Variants in SLC13A3 observed in about 807,000 individuals in gnomAD.
SLC13A3 encodes the protein solute carrier family 13 member 3.
Under a neutral mutation model 59.0 loss-of-function variants are expected in SLC13A3, and 40 were observed. The observed-to-expected ratio is 0.68, with a 90% CI of 0.53 to 0.88. SLC13A3 has a LOEUF of 0.88. Among genes scored for constraint, SLC13A3 ranks in the 40% least tolerant of loss-of-function variants. The pLI, the probability that SLC13A3 is intolerant of heterozygous loss-of-function variation, is 0.00. For synonymous variants in SLC13A3, 317 were observed against 330.3 expected, an observed-to-expected ratio of 0.96 and a Z score of 0.44; for missense variants, 699 against 783.2, an observed-to-expected ratio of 0.89 and a Z score of 1.28.
intron 9 of SLC13A3, among the ~76,000 whole-genome samples, chr20:46,581,815 G>T (rs887189152): frequency 2.0e-5 from 3 of 152,142 alleles, no homozygotes; most frequent in African/African-American, 7.2e-5. Context: ...GCAGAAACCA[G>T]GAAAAGGTTA....
intron 1 of SLC13A3, among the ~76,000 whole-genome samples, chr20:46,633,836 A>C (rs1284144086): frequency 6.6e-6 from 1 of 152,258 alleles, no homozygotes; most frequent in Admixed American, 6.5e-5. Flanking sequence ...TTGAGGGCTT[A>C]CTATGCTTAG....
intron 1 of SLC13A3, among the ~76,000 whole-genome samples, chr20:46,621,871 A>C (rs939533142): frequency 6.6e-6 from 1 of 152,250 alleles, no homozygotes; most frequent in South Asian, 2.1e-4. Context: ...CATGTAGTAC[A>C]TATATTTATT....
intron 8 of SLC13A3, chr20:46,585,491 C>T (rs1441004000): frequency 1.0e-6 from 1 of 1,003,588 alleles, no homozygotes; most frequent in Admixed American, 6.0e-5. Context: ...TAATAGGGTT[C>T]TAAAAGCCAA....
chr20:46,608,069 G>C (rs1212178293), intron 3 of SLC13A3, among the ~76,000 whole-genome samples: 1 of 152,114 alleles, frequency 6.6e-6, no homozygotes, highest in Non-Finnish European at 1.5e-5. Context: ...CCACCCCAGG[G>C]TGACCATCAG....
chr20:46,644,437 A>AT (rs1273198469), intron 1 of SLC13A3, among the ~76,000 whole-genome samples: 34 of 151,348 alleles, frequency 2.2e-4, no homozygotes, highest in Middle Eastern at 3.4e-3. Context: ...AGCATCTCCC[A>AT]TTTTTTTTTC....
At chr20:46,652,310 A>C (rs1350853411), upstream of SLC13A3, among the ~76,000 whole-genome samples, 1 of 152,250 alleles carries the variant, frequency 6.6e-6, no homozygotes. Context: ...TAACACATGT[A>C]ATGTGATTAG....
At chr20:46,625,000 C>T (rs1352638065) in intron 1 of SLC13A3, among the ~76,000 whole-genome samples, 1 of 152,160 alleles carries the variant, frequency 6.6e-6, no homozygotes, top group Non-Finnish European at 1.5e-5. Flanking sequence ...AGTCTCCCGA[C>T]TCTGTAATGC....
At chr20:46,654,427 T>C (rs554316369), upstream of SLC13A3, among the ~76,000 whole-genome samples, 2 of 152,372 alleles carry the variant, frequency 1.3e-5, no homozygotes, top group South Asian at 4.1e-4. Flanking sequence ...CCTTACTTCA[T>C]GCCCCTTTGC....
At chr20:46,660,738 C>G (rs770913605) in intron 1 of SLC13A3, among the ~76,000 whole-genome samples, 3 of 152,160 alleles carry the variant, frequency 2.0e-5, no homozygotes, top group African/African-American at 4.8e-5. Context: ...GCCCCATTCT[C>G]TCTCTCCTTT....
At chr20:46,671,012 C>T (rs747379538), upstream of SLC13A3, among the ~76,000 whole-genome samples, 9 of 152,016 alleles carry the variant, frequency 5.9e-5, no homozygotes, top group South Asian at 2.1e-4. Flanking sequence ...CATGAGCAAG[C>T]GGAAGACTTA....
At chr20:46,676,416 T>A (rs1448223683) in intron 1 of SLC13A3, among the ~76,000 whole-genome samples, 1 of 145,756 alleles carries the variant, frequency 6.9e-6, no homozygotes, top group African/African-American at 2.5e-5. Context: ...CAACTCTTTT[T>A]TTTTTTTTTT....
At chr20:46,645,551 C>T (rs1248672922) in intron 1 of SLC13A3, among the ~76,000 whole-genome samples, 1 of 152,222 alleles carries the variant, frequency 6.6e-6, no homozygotes, top group Non-Finnish European at 1.5e-5. Context: ...TTTCTTGAAG[C>T]ATAAAAAGCC....
rs746313132 is a variant in SLC13A3, at chr20:46,563,433, T to A, written c.1613A>T (p.His538Leu). The A allele has an allele frequency of 4.4e-5, 71 of 1,613,696 alleles. No individual in the cohort carries two copies. The highest frequency in any genetic ancestry group is 3.3e-4 in the Middle Eastern group (2 of 6,072). ...ACTCACCATGTCTTTGACCAGCAAG[T>A]GTCCAGAGGCGAAGGCGATGGAGTT... The part of the protein sequence containing the change: ...PPNSIAFASG[H>L]LLVKDMVRTG... Residue 538 changes from histidine (H) to leucine (L), a missense_variant, in exon 12 of 13, where the codon CAC (histidine) becomes CTC (leucine). His to Leu is a moderately conservative substitution (Grantham distance 99, BLOSUM62 -3). Transcript: ENST00000279027.
At chr20:46,627,486 T>A (rs901109900) in intron 1 of SLC13A3, among the ~76,000 whole-genome samples, 2 of 152,116 alleles carry the variant, frequency 1.3e-5, no homozygotes, top group Non-Finnish European at 2.9e-5. Flanking sequence ...GCTGCTCAGC[T>A]CCTCTGATTG....
intron 8 of SLC13A3, chr20:46,585,489 T>C: frequency 2.0e-6 from 2 of 1,003,298 alleles, no homozygotes; most frequent in Non-Finnish European, 2.4e-6. Flanking sequence ...TTTAATAGGG[T>C]TCTAAAAGCC....
intron 8 of SLC13A3, chr20:46,584,171 TGTG>T: frequency 1.0e-6 from 1 of 985,358 alleles, no homozygotes; most frequent in Non-Finnish European, 1.2e-6. Context: ...GCATCCACAA[TGTG>T]TCCTTTAGGG....
chr20:46,597,463 C>G (rs1250675491), intron 4 of SLC13A3, among the ~76,000 whole-genome samples: 1 of 152,032 alleles, frequency 6.6e-6, no homozygotes, highest in Non-Finnish European at 1.5e-5. Flanking sequence ...TGAGACAGAG[C>G]TTCACTCTTG....
chr20:46,569,427 C>G (rs949724291), intron 10 of SLC13A3, among the ~76,000 whole-genome samples: 1 of 152,182 alleles, frequency 6.6e-6, no homozygotes, highest in African/African-American at 2.4e-5. Context: ...AGAAGGGGCT[C>G]TGGAGTCAGA....
In SLC13A3 at chr20:46,642,467, T is replaced by C. The variant is rs1027021828; in HGVS notation, c.111+8844A>G. On this transcript the variant is annotated intron_variant, in intron 1 of 12. Transcript: ENST00000279027. ...ACCCAGCATAACACCTGGCGCTTAG[T>C]AGGTGCTCAGTCTATGGTTGCTTTT... 5.9e-5 allele frequency among the ~76,000 whole-genome samples: 9 copies of C among 152,318 alleles called. No homozygotes were observed. In the Middle Eastern group the frequency reaches 0.01, roughly 173 times the overall value.
Sources: allele counts gnomAD v4.1 joint callset (sites outside exome capture counted in the v4.1 genomes callset), GRCh38; gene constraint gnomAD v4.1.1; transcripts MANE v1.5; gene names NCBI Gene and HGNC (gene_info 2026-07-23, HGNC 2026-07-21).